NOL4: variants seen among roughly 807,000 people sequenced by gnomAD.
NOL4 encodes the protein nucleolar protein 4.
A neutral mutation model predicts 75.9 loss-of-function variants in NOL4; 17 were observed. The ratio of observed to expected loss-of-function variants is 0.22; its 90% CI spans 0.15 to 0.34. The LOEUF is 0.34. NOL4 is among the 10% of genes least tolerant of loss of function. The pLI is 1.00. For synonymous variants in NOL4, 292 were observed against 289.9 expected (o/e 1.01, Z -0.07); for missense variants, 614 against 793.5 (o/e 0.77, Z 2.72).
intron 9 of NOL4, among the ~76,000 whole-genome samples, chr18:33,920,984 T>C (rs1247378423): frequency 1.3e-5 from 2 of 152,188 alleles, no homozygotes; most frequent in Non-Finnish European, 2.9e-5. Context: ...AGACAGAGCA[T>C]GGGGCTACAG....
intron 8 of NOL4, 54 bp downstream of exon 8, chr18:33,957,272 T>A: frequency 7.4e-7 from 1 of 1,360,360 alleles, no homozygotes; most frequent in Non-Finnish European, 9.9e-7. Context: ...AGTGTCATGG[T>A]TTACATGTGG....
At chr18:34,013,929 C>A (rs565023177) in intron 6 of NOL4, among the ~76,000 whole-genome samples, 9 of 151,872 alleles carry the variant, frequency 5.9e-5, no homozygotes, top group Admixed American at 1.3e-4. Flanking sequence ...CTAAACAACA[C>A]CTGGGCCAAA....
rs182735795 is a variant in NOL4, at chr18:34,136,966, T to C, written c.265-6946A>G. ...TGGTATTGGCATGTGAATTGACATA[T>C]AGATCAGTGGAATAAAATTGAGACT... On this transcript the variant is annotated intron_variant, in intron 1 of 10. Transcript: ENST00000261592. 6.6e-5 allele frequency among the ~76,000 whole-genome samples: 10 copies of C among 152,276 alleles called. No individual in the cohort carries two copies. The East Asian group carries it at 1.5e-3, about 23-fold the overall frequency.
rs78906321 is a variant in NOL4, at chr18:34,115,206, G to A, written c.415-10046C>T. Reference sequence around the variant, plus strand: ...CCCAGTAAGCACTGTGGGCCCTAGTGAGCACATTCCTTTCCTTTTTTGGAC... The same window carrying A: ...CCCAGTAAGCACTGTGGGCCCTAGTAAGCACATTCCTTTCCTTTTTTGGAC... On this transcript the variant is annotated intron_variant, in intron 2 of 10. Transcript: ENST00000261592. 4.1e-3 allele frequency among the ~76,000 whole-genome samples: 629 copies of A among 152,234 alleles called. 5 individuals carry two copies. Among genetic ancestry groups the A allele is most frequent in the African/African-American group, 0.014 (570 of 41,554 alleles).
intron 1 of NOL4, among the ~76,000 whole-genome samples, chr18:34,204,529 A>G (rs1309934018): frequency 6.6e-6 from 1 of 152,148 alleles, no homozygotes; most frequent in African/African-American, 2.4e-5. Flanking sequence ...TGCTTTGGTC[A>G]AAATGTATTC....
chr18:34,019,215 T>G lies in NOL4; in HGVS notation c.1056+103A>C, dbSNP rs1024247717. 12 of 959,868 alleles carry G rather than the reference T, an allele frequency of 1.3e-5. No homozygotes were observed. The Admixed American group carries it at 2.0e-4, about 16-fold the overall frequency. 59.5% of individuals were successfully genotyped at this position (959,868 alleles called of 1,614,324 possible). On this transcript the variant is annotated intron_variant, in intron 6 of 10. Transcript: ENST00000261592. ...GGTATCCTCTTATTGGATTTGTTTA[T>G]AATATTTTTATTAACAATAATGTTT... is the stretch of plus-strand genomic sequence containing the variant.
intron 5 of NOL4, among the ~76,000 whole-genome samples, chr18:34,073,312 C>T (rs2077599952): frequency 6.6e-6 from 1 of 151,704 alleles, no homozygotes; most frequent in African/African-American, 2.4e-5. Context: ...ATAAATTAGG[C>T]AAATTAGATA....
intron 1 of NOL4, among the ~76,000 whole-genome samples, chr18:34,214,184 G>T (rs1329793304): frequency 6.6e-6 from 1 of 152,058 alleles, no homozygotes; most frequent in Non-Finnish European, 1.5e-5. Context: ...TTAGAATAAG[G>T]TATTCAAATT....
At chr18:33,912,185 C>A (rs1423757363) in intron 9 of NOL4, among the ~76,000 whole-genome samples, 1 of 151,964 alleles carries the variant, frequency 6.6e-6, no homozygotes, top group African/African-American at 2.4e-5. Flanking sequence ...TTTCATTTTC[C>A]AAAATTGAGT....
intron 8 of NOL4, among the ~76,000 whole-genome samples, chr18:33,949,599 G>T (rs1353676125): frequency 6.6e-6 from 1 of 152,056 alleles, no homozygotes; most frequent in Non-Finnish European, 1.5e-5. Context: ...CCCTGAAATT[G>T]GAGCCCGTGG....
chr18:34,066,987 A>G (rs2077306412), intron 5 of NOL4, among the ~76,000 whole-genome samples: 1 of 152,142 alleles, frequency 6.6e-6, no homozygotes, highest in Admixed American at 6.5e-5. Context: ...GCATTATTCT[A>G]TGGATAAAGC....
intron 5 of NOL4, among the ~76,000 whole-genome samples, chr18:34,088,533 G>A (rs1019055579): frequency 2.0e-5 from 3 of 151,982 alleles, no homozygotes; most frequent in African/African-American, 2.4e-5. Flanking sequence ...GTTAGTCCTC[G>A]AGATGCTTTT....
chr18:34,121,515 T>C (rs938236350), intron 2 of NOL4, among the ~76,000 whole-genome samples: 3 of 152,186 alleles, frequency 2.0e-5, no homozygotes, highest in African/African-American at 4.8e-5. Context: ...CAGGCAATAA[T>C]TAGCCATCTT....
chr18:33,936,606 C>T (rs2068076046), intron 9 of NOL4, among the ~76,000 whole-genome samples: 1 of 152,086 alleles, frequency 6.6e-6, no homozygotes, highest in African/African-American at 2.4e-5. Flanking sequence ...ACTGCAAAAT[C>T]TGTCACCCAG....
intron 5 of NOL4, chr18:34,048,588 C>T: frequency 3.0e-6 from 3 of 985,332 alleles, no homozygotes; most frequent in Non-Finnish European, 3.6e-6. Flanking sequence ...CTCCTCTGCA[C>T]AGTAAGAGCT....
chr18:34,007,535 T>C (rs1290510710), intron 6 of NOL4, among the ~76,000 whole-genome samples: 1 of 151,842 alleles, frequency 6.6e-6, no homozygotes, highest in Non-Finnish European at 1.5e-5. Flanking sequence ...TTGCCAGGAG[T>C]GTTTCCTCCC....
intron 4 of NOL4, among the ~76,000 whole-genome samples, chr18:34,101,132 T>G (rs919358914): frequency 2.0e-5 from 3 of 152,316 alleles, no homozygotes; most frequent in African/African-American, 7.2e-5. Context: ...ATTATCTTCT[T>G]TCCTGAAACA....
At chr18:34,029,160 C>G (rs1390054724) in intron 5 of NOL4, among the ~76,000 whole-genome samples, 2 of 152,082 alleles carry the variant, frequency 1.3e-5, no homozygotes, top group African/African-American at 4.8e-5. Context: ...AATCATGCCC[C>G]CCTTTGGATC....
At chr18:33,930,123 C>A (rs1358731018) in intron 9 of NOL4, among the ~76,000 whole-genome samples, 1 of 152,022 alleles carries the variant, frequency 6.6e-6, no homozygotes. Context: ...ACAATGAATT[C>A]AAGTTTTTAA....
Sources: allele counts gnomAD v4.1 joint callset (sites outside exome capture counted in the v4.1 genomes callset), GRCh38; gene constraint gnomAD v4.1.1; transcripts MANE v1.5; gene names NCBI Gene and HGNC (gene_info 2026-07-23, HGNC 2026-07-21).